The following STYK1 variants were observed in gnomAD, a reference collection of about 807,000 sequenced individuals.
STYK1 encodes the protein tyrosine-protein kinase STYK1.
STYK1 carries 46 observed loss-of-function variants against 48.1 expected under a neutral mutation model. The observed-to-expected ratio is 0.96, with a 90% CI of 0.75 to 1.22. The LOEUF (loss-of-function observed/expected upper bound fraction) is 1.22, where lower values mean the gene tolerates loss of function less well. STYK1 is among the 50% of genes most tolerant of loss of function. The probability of loss-of-function intolerance (pLI) is 0.00; values close to 1 mark genes in which losing one functional copy is unlikely to be tolerated. For missense variants in STYK1, 527 were observed against 521.1 expected (o/e 1.01, Z -0.11); for synonymous variants, 188 against 189.0 (o/e 0.99, Z 0.04).
intron 7 of STYK1, among the ~76,000 whole-genome samples, chr12:10,625,375 G>C (rs889592535): frequency 6.6e-6 from 1 of 151,960 alleles, no homozygotes; most frequent in Admixed American, 6.5e-5. Context: ...CCGCCACCAC[G>C]CCTGGCTAAT....
At chr12:10,634,362 A>AG (rs1947462979) in intron 3 of STYK1, among the ~76,000 whole-genome samples, 1 of 152,166 alleles carries the variant, frequency 6.6e-6, no homozygotes, top group Admixed American at 6.5e-5. Flanking sequence ...GCAGTTTCTT[A>AG]CCAAGATTGA....
chr12:10,660,353 C>T (rs1282736613), intron 1 of STYK1, among the ~76,000 whole-genome samples: 1 of 152,152 alleles, frequency 6.6e-6, no homozygotes, highest in African/African-American at 2.4e-5. Flanking sequence ...ACAAAAAACA[C>T]TAATAGTTAG....
rs146487728 is a variant in STYK1, at chr12:10,630,258, C to T, written c.452-584G>A. Reference sequence around the variant, plus strand: ...AAAATTAGCTGGCCATAGTGGCACACGGCTGTAATCCCAGCTACTTGGGAG... The same window carrying T: ...AAAATTAGCTGGCCATAGTGGCACATGGCTGTAATCCCAGCTACTTGGGAG... On this transcript the variant is annotated intron_variant, in intron 5 of 10. Coordinates refer to ENST00000075503, the MANE Select transcript of STYK1 (RefSeq NM_018423.3). Among the ~76,000 whole-genome samples the T allele has an allele frequency of 4.1e-3, 620 of 151,538 alleles. 4 individuals are homozygous for T. The highest frequency in any genetic ancestry group is 0.014 in the African/African-American group (558 of 41,296).
chr12:10,658,900 T>C (rs1457462086), intron 1 of STYK1, among the ~76,000 whole-genome samples: 4 of 152,248 alleles, frequency 2.6e-5, no homozygotes, highest in African/African-American at 9.6e-5. Context: ...TTGTTAATCA[T>C]GTCTGACTGT....
At chr12:10,630,392 AAAAAAAAAG>A (rs1200969273) in intron 5 of STYK1, among the ~76,000 whole-genome samples, 2 of 149,234 alleles carry the variant, frequency 1.3e-5, no homozygotes, top group Admixed American at 6.7e-5. Flanking sequence ...TCTCAAAAAA[AAAAAAAAAG>A]AAAAAAGAAA....
intron 1 of STYK1, among the ~76,000 whole-genome samples, chr12:10,659,575 GC>G (rs1947753614): frequency 2.0e-4 from 1 of 5,070 alleles, no homozygotes; most frequent in Non-Finnish European, 0.013. Flanking sequence ...TTTCTGATGG[GC>G]CCAGGAGGCA....
Position 10,673,962 on chromosome 12 carries a change from C to T in STYK1, c.-195+4G>A, listed in dbSNP as rs535075232. 2.0e-5 allele frequency: 3 copies of T among 152,418 alleles called. No individual in the cohort carries two copies. In the East Asian group the frequency reaches 5.8e-4, roughly 29 times the overall value. The allele number at this position is 152,418 out of a possible 1,614,324, so 9.4% of individuals were successfully genotyped here. A position where few individuals can be genotyped will look rare whatever the true frequency, so the allele number is the denominator to read the frequency against. ...GCGCCCGCCCCCCATACCCCGTTCA[C>T]TACCGTGTCCCTCCTCTGGTCACTC... is the stretch of plus-strand genomic sequence containing the variant. On this transcript the variant is annotated splice_donor_region_variant and intron_variant, in intron 1 of 10. Transcript: ENST00000075503.
chr12:10,667,368 A>G (rs1048779418), intron 1 of STYK1: 2 of 152,062 alleles, frequency 1.3e-5, no homozygotes, highest in Non-Finnish European at 2.9e-5. Context: ...TAATCCCAGC[A>G]CTTTGGAAGA....
intron 4 of STYK1, among the ~76,000 whole-genome samples, chr12:10,633,232 C>T (rs1947449077): frequency 3.3e-5 from 5 of 152,102 alleles, no homozygotes; most frequent in Admixed American, 3.3e-4. Context: ...TCATTGATGA[C>T]CTTGGAAAGA....
rs1947901444 is a variant in STYK1, at chr12:10,672,531, C to A, written c.-195+1435G>T. Among the ~76,000 whole-genome samples, 1 of 152,140 alleles carries A rather than the reference C, an allele frequency of 6.6e-6. No homozygotes were observed. ...GTGATTACAGGTGTGAGCCACCGTG[C>A]CCACTAGCATTAGATTGTCATAGGA... is the stretch of plus-strand genomic sequence containing the variant. On this transcript the variant is annotated intron_variant, in intron 1 of 10. Coordinates refer to ENST00000075503, the MANE Select transcript of STYK1 (RefSeq NM_018423.3). The surrounding 1 kb of genome is among the most constrained non-coding windows in gnomAD (Gnocchi z 4.0).
At chr12:10,639,573 C>T (rs1219969692) in intron 1 of STYK1, among the ~76,000 whole-genome samples, 1 of 152,106 alleles carries the variant, frequency 6.6e-6, no homozygotes, top group African/African-American at 2.4e-5. Context: ...TGCCACCACA[C>T]CCAGCTAATT....
intron 8 of STYK1, among the ~76,000 whole-genome samples, chr12:10,623,158 C>A (rs1237650744): frequency 6.6e-6 from 1 of 150,648 alleles, no homozygotes; most frequent in Non-Finnish European, 1.5e-5. Context: ...ATTAACAGGG[C>A]AAGCTTTATA....
intron 4 of STYK1, among the ~76,000 whole-genome samples, chr12:10,632,956 T>C (rs1202369020): frequency 6.6e-6 from 1 of 152,162 alleles, no homozygotes; most frequent in African/African-American, 2.4e-5. Context: ...TTTCAGGACC[T>C]TTGTTTTGGT....
At chr12:10,630,059 G>GAA (rs1358233287) in intron 5 of STYK1, among the ~76,000 whole-genome samples, 1 of 29,338 alleles carries the variant, frequency 3.4e-5, no homozygotes, top group African/African-American at 8.4e-5. Flanking sequence ...GAGAGAGAGA[G>GAA]AGAGAGAGAG....
rs765311647 is a variant in STYK1, at chr12:10,620,233, G to A, written c.1180C>T (p.Gln394Ter). The A allele has an allele frequency of 4.3e-6, 7 of 1,613,934 alleles. No homozygotes were observed. The highest frequency in any genetic ancestry group is 5.9e-6 in the Non-Finnish European group (7 of 1,179,816). ...IKTADDEAVL[Q>*]VPELVVPELY... ...TCAGGTACCACCAACTCTGGTACTT[G>A]TAACACAGCCTCGTCATCTGCAGTT... is the stretch of plus-strand genomic sequence containing the variant. The change falls in exon 11 of 11, where the codon CAA (glutamine) becomes TAA (stop). Residue 394 changes from glutamine to a stop codon, truncating the protein, a stop_gained. Coordinates refer to ENST00000075503, the MANE Select transcript of STYK1 (RefSeq NM_018423.3). LOFTEE classifies it high-confidence loss of function.
At chr12:10,653,687 C>T (rs867498349) in intron 1 of STYK1, among the ~76,000 whole-genome samples, 4 of 152,170 alleles carry the variant, frequency 2.6e-5, no homozygotes, top group South Asian at 2.1e-4. Flanking sequence ...ACAGGAACAT[C>T]AAGAAGTGTA....
At chr12:10,629,353 A>G (rs958907354) in intron 6 of STYK1, 140 bp downstream of exon 6, 1 of 840,806 alleles carries the variant, frequency 1.2e-6, no homozygotes, top group African/African-American at 1.7e-5. Flanking sequence ...AAAAAGTTCT[A>G]TTATATGGTC....
At chr12:10,662,844 T>C (rs1947792283) in intron 1 of STYK1, among the ~76,000 whole-genome samples, 1 of 152,230 alleles carries the variant, frequency 6.6e-6, no homozygotes, top group Non-Finnish European at 1.5e-5. Flanking sequence ...TGAAGCATAA[T>C]AGTTTCTAAT....
chr12:10,667,034 C>T (rs1947840999), intron 1 of STYK1, among the ~76,000 whole-genome samples: 1 of 152,104 alleles, frequency 6.6e-6, no homozygotes, highest in African/African-American at 2.4e-5. Context: ...TACTAGAATT[C>T]TAACTTAGCC....
Sources: gnomAD v4.1 joint callset for allele counts (sites outside exome capture counted in the v4.1 genomes callset) on GRCh38, gnomAD v4.1.1 for gene constraint, Gnocchi (gnomAD v3.1) non-coding constraint, MANE v1.5 for transcripts, NCBI Gene and HGNC (gene_info 2026-07-23, HGNC 2026-07-21) for gene names.